The following BBS9 variants were observed in gnomAD, a reference collection of about 807,000 sequenced individuals.
The protein encoded by BBS9 is protein PTHB1.
Under a neutral mutation model 117.7 loss-of-function variants are expected in BBS9, and 89 were observed. The ratio of observed to expected loss-of-function variants is 0.76; its 90% CI spans 0.64 to 0.90. The LOEUF (loss-of-function observed/expected upper bound fraction) is 0.90, where lower values mean the gene tolerates loss of function less well. BBS9 is among the 40% of genes least tolerant of loss of function. The pLI is 0.00. For missense variants in BBS9, 982 were observed against 1,042.2 expected, an observed-to-expected ratio of 0.94 and a Z score of 0.80; for synonymous variants, 379 against 370.9, an observed-to-expected ratio of 1.02 and a Z score of -0.25.
At chr7:33,408,161 C>T (rs1309573840) in intron 19 of BBS9, among the ~76,000 whole-genome samples, 1 of 152,238 alleles carries the variant, frequency 6.6e-6, no homozygotes, top group East Asian at 1.9e-4. Flanking sequence ...CTCCCCCAGC[C>T]TCGCTGCCAC....
chr7:33,512,951 C>A (rs1487869884), intron 20 of BBS9, among the ~76,000 whole-genome samples: 1 of 146,232 alleles, frequency 6.8e-6, no homozygotes, highest in Non-Finnish European at 1.5e-5. Context: ...CATTGGTGTG[C>A]CCCTCACACC....
chr7:33,275,363 A>G (rs1800585070), intron 9 of BBS9, among the ~76,000 whole-genome samples: 1 of 152,246 alleles, frequency 6.6e-6, no homozygotes, highest in African/African-American at 2.4e-5. Context: ...TTTAAATTTA[A>G]CAGAATATTC....
intron 5 of BBS9, among the ~76,000 whole-genome samples, chr7:33,238,669 G>A (rs925083665): frequency 6.6e-6 from 1 of 152,040 alleles, no homozygotes; most frequent in Non-Finnish European, 1.5e-5. Context: ...GAGGGAAAAA[G>A]TATTTTCTAT....
chr7:33,598,320 A>G (rs1863222796), intron 21 of BBS9, among the ~76,000 whole-genome samples: 1 of 152,180 alleles, frequency 6.6e-6, no homozygotes, highest in South Asian at 2.1e-4. Flanking sequence ...GTATCATGCA[A>G]TATACCTGAC....
intron 16 of BBS9, among the ~76,000 whole-genome samples, chr7:33,358,270 C>T (rs1483446774): frequency 6.6e-6 from 1 of 151,660 alleles, no homozygotes; most frequent in East Asian, 1.9e-4. Flanking sequence ...TCTCTTTAGA[C>T]TGAATTTTTT....
chr7:33,312,032 A>G (rs1364771560), intron 9 of BBS9, among the ~76,000 whole-genome samples: 3 of 152,216 alleles, frequency 2.0e-5, no homozygotes, highest in African/African-American at 4.8e-5. Context: ...TTTCTTGCCA[A>G]TGCTTTAGCC....
chr7:33,410,047 G>A (rs1229200639), intron 19 of BBS9, among the ~76,000 whole-genome samples: 1 of 152,100 alleles, frequency 6.6e-6, no homozygotes, highest in African/African-American at 2.4e-5. Context: ...TCTGTCTTAT[G>A]TTATGGTTTC....
At chr7:33,270,743 C>T (rs1256028647) in intron 7 of BBS9, among the ~76,000 whole-genome samples, 1 of 152,184 alleles carries the variant, frequency 6.6e-6, no homozygotes, top group Admixed American at 6.5e-5. Flanking sequence ...TCATTGGCAT[C>T]CCTGAAAGAG....
At chr7:33,274,123 A>G (rs1800309315) in intron 9 of BBS9, among the ~76,000 whole-genome samples, 167 bp downstream of exon 9, 1 of 152,206 alleles carries the variant, frequency 6.6e-6, no homozygotes, top group South Asian at 2.1e-4. Flanking sequence ...ATTGGAAAGG[A>G]AGGATAATTA....
In BBS9 at chr7:33,383,751, AAAAC is replaced by A. The variant is rs606231137; in HGVS notation, c.1877_1880del (p.Lys626ArgfsTer22). On this transcript the variant is annotated frameshift_variant, in exon 18 of 23. Coordinates refer to ENST00000242067, the MANE Select transcript of BBS9 (RefSeq NM_198428.3). LOFTEE classifies it high-confidence loss of function. ...TTCTTCGCCTTCAAGAATATTTTGA[AAAAC>A]AGGGAGTCAAAGATTTTGCATGTTC... 8.9e-5 allele frequency: 143 copies of A among 1,613,084 alleles called. No individual in the cohort carries two copies. Among genetic ancestry groups the A allele is most frequent in the Non-Finnish European group, 1.2e-4 (142 of 1,179,666 alleles).
chr7:33,323,483 A>T (rs981726507), intron 9 of BBS9, among the ~76,000 whole-genome samples: 1 of 152,100 alleles, frequency 6.6e-6, no homozygotes, highest in African/African-American at 2.4e-5. Context: ...TTAAATCATT[A>T]TATAATGACT....
chr7:33,475,327 G>C (rs1167147792), intron 19 of BBS9, among the ~76,000 whole-genome samples: 1 of 152,184 alleles, frequency 6.6e-6, no homozygotes, highest in East Asian at 1.9e-4. Context: ...CCTTAGACCA[G>C]TAACTCTGAA....
At chr7:33,462,530 G>C (rs974713776) in intron 19 of BBS9, among the ~76,000 whole-genome samples, 1 of 152,076 alleles carries the variant, frequency 6.6e-6, no homozygotes, top group African/African-American at 2.4e-5. Flanking sequence ...AAATATTACA[G>C]TAGATTGACT....
intron 5 of BBS9, 62 bp downstream of exon 5, chr7:33,177,653 A>G (rs763565455): frequency 5.2e-5 from 62 of 1,191,206 alleles, no homozygotes; most frequent in Non-Finnish European, 7.5e-5. Context: ...ATTTGGTCAT[A>G]TAAAACAGAG....
At chr7:33,476,223 C>CT (rs540070441) in intron 19 of BBS9, among the ~76,000 whole-genome samples, 12 of 151,106 alleles carry the variant, frequency 7.9e-5, no homozygotes, top group Non-Finnish European at 8.9e-5. Flanking sequence ...AATTTATGGA[C>CT]TTTTTTTTTG....
intron 21 of BBS9, among the ~76,000 whole-genome samples, chr7:33,582,859 G>A (rs1225260184): frequency 2.6e-5 from 4 of 152,084 alleles, no homozygotes; most frequent in Non-Finnish European, 4.4e-5. Flanking sequence ...CTGCCATGGT[G>A]TTGCACGTCT....
intron 5 of BBS9, among the ~76,000 whole-genome samples, chr7:33,248,590 A>G (rs924102791): frequency 2.0e-5 from 3 of 152,152 alleles, no homozygotes; most frequent in Admixed American, 1.3e-4. Flanking sequence ...TCCATCTGCT[A>G]TTTGTTTTTA....
At chr7:33,371,549 G>C (rs1388186378) in intron 17 of BBS9, among the ~76,000 whole-genome samples, 4 of 152,130 alleles carry the variant, frequency 2.6e-5, no homozygotes, top group African/African-American at 9.7e-5. Flanking sequence ...GATCAGGAAA[G>C]AGAAGTGGAT....
At chr7:33,416,217 G>C (rs965235478) in intron 19 of BBS9, among the ~76,000 whole-genome samples, 1 of 151,526 alleles carries the variant, frequency 6.6e-6, no homozygotes, top group African/African-American at 2.4e-5. Flanking sequence ...TGAAAAATCA[G>C]TAGCCCTGGC....
Sources: gnomAD v4.1 joint callset for allele counts (sites outside exome capture counted in the v4.1 genomes callset) on GRCh38, gnomAD v4.1.1 for gene constraint, MANE v1.5 for transcripts, NCBI Gene and HGNC (gene_info 2026-07-23, HGNC 2026-07-21) for gene names.